Variants in P4HA1 observed in about 807,000 individuals in gnomAD.
The protein encoded by P4HA1 is prolyl 4-hydroxylase subunit alpha-1.
In P4HA1, 24 loss-of-function variants were observed where a neutral mutation model predicts 72.8. The observed-to-expected ratio is 0.33, with a 90% CI of 0.24 to 0.46. P4HA1 has a LOEUF of 0.46. Among genes scored for constraint, P4HA1 ranks in the 20% least tolerant of loss-of-function variants. The pLI, the probability that P4HA1 is intolerant of heterozygous loss-of-function variation, is 1.00. For missense variants in P4HA1, 446 were observed against 640.6 expected, an observed-to-expected ratio of 0.70 and a Z score of 3.28; for synonymous variants, 201 against 218.8, an observed-to-expected ratio of 0.92 and a Z score of 0.72.
intron 7 of P4HA1, among the ~76,000 whole-genome samples, chr10:73,047,722 AT>A (rs1441228701): frequency 6.6e-6 from 1 of 152,152 alleles, no homozygotes; most frequent in Admixed American, 6.6e-5. Context: ...TATTATATTA[AT>A]AAGTTATTTT....
chr10:73,040,818 T>C (rs982338626), intron 9 of P4HA1, among the ~76,000 whole-genome samples: 1 of 152,170 alleles, frequency 6.6e-6, no homozygotes, highest in East Asian at 1.9e-4. Context: ...ATCTAGAGGA[T>C]TTAGCTATTT....
intron 1 of P4HA1, among the ~76,000 whole-genome samples, chr10:73,080,583 T>C (rs1441292210): frequency 6.6e-6 from 1 of 152,242 alleles, no homozygotes; most frequent in Non-Finnish European, 1.5e-5. Context: ...TCAGAAACTT[T>C]AAGTGACATG....
chr10:73,095,627 A>C (rs1842148627), intron 1 of P4HA1, among the ~76,000 whole-genome samples: 1 of 151,728 alleles, frequency 6.6e-6, no homozygotes, highest in Non-Finnish European at 1.5e-5. Context: ...CTCCGAGTGC[A>C]TTCCAAGCGA....
intron 14 of P4HA1, among the ~76,000 whole-genome samples, chr10:73,008,744 A>G (rs1026396370): frequency 9.2e-5 from 14 of 152,166 alleles, no homozygotes; most frequent in African/African-American, 3.1e-4. Flanking sequence ...AACCATTGCT[A>G]TTGTATGCTC....
intron 10 of P4HA1, among the ~76,000 whole-genome samples, chr10:73,023,794 G>A (rs1418431311): frequency 7.4e-6 from 1 of 134,654 alleles, no homozygotes; most frequent in South Asian, 2.6e-4. Flanking sequence ...GAAGATCTAC[G>A]AAGCAAATGG....
intron 5 of P4HA1, among the ~76,000 whole-genome samples, chr10:73,068,227 G>A (rs545759112): frequency 3.3e-5 from 5 of 152,142 alleles, no homozygotes; most frequent in East Asian, 1.9e-4. Flanking sequence ...TTTTTCTTAC[G>A]GAGAAAATCA....
At position 73,037,561 on chromosome 10, in the gene P4HA1, ATATATATATATTT is replaced by A. The variant is rs1261977135; in HGVS notation, c.1149-7204_1149-7192del. Among the ~76,000 whole-genome samples the A allele has an allele frequency of 4.1e-3, 138 of 33,398 alleles. 6 individuals are homozygous for A. Among genetic ancestry groups the A allele is most frequent in the African/African-American group, 0.015 (119 of 7,908 alleles). The allele number at this position is 33,398 out of a possible 152,430, so 21.9% of individuals were successfully genotyped here. A position where few individuals can be genotyped will look rare whatever the true frequency, so the allele number is the denominator to read the frequency against. On this transcript the variant is annotated intron_variant, in intron 9 of 14. Transcript: ENST00000394890. ...TATATATATATATATATATATATAT[ATATATATATATTT>A]TTTTTTTTTTTTTTTTACAAAGGCA... is the stretch of plus-strand genomic sequence containing the variant.
Position 73,045,017 on chromosome 10 carries a change from C to G in P4HA1, c.1112G>C (p.Gly371Ala). Residue 371 changes from glycine (G) to alanine (A), a missense_variant, in exon 9 of 15, where the codon GGA becomes GCA. Coordinates refer to ENST00000394890, the MANE Select transcript of P4HA1 (RefSeq NM_001017962.3). ...TCTGTAATGTACCGTCTCCAAGTCT[C>G]CTGTTATTGGGTTTGAAATGGTGGC... is the stretch of plus-strand genomic sequence containing the variant. ...RRATISNPIT[G>A]DLETVHYRIS... 6.2e-7 allele frequency: 1 copy of G among 1,613,652 alleles called. No homozygotes were observed. The highest frequency in any genetic ancestry group is 8.5e-7 in the Non-Finnish European group (1 of 1,179,698).
intron 10 of P4HA1, among the ~76,000 whole-genome samples, chr10:73,018,494 C>T (rs1431680551): frequency 6.6e-6 from 1 of 152,110 alleles, no homozygotes; most frequent in African/African-American, 2.4e-5. Context: ...GCTCTCTGCC[C>T]CACAGGGCCC....
chr10:73,046,153 T>TA (rs1218089878), intron 8 of P4HA1, among the ~76,000 whole-genome samples: 3 of 152,156 alleles, frequency 2.0e-5, no homozygotes, highest in Non-Finnish European at 4.4e-5. Flanking sequence ...CTCCAAAGCC[T>TA]AAAAAATATC....
chr10:73,092,366 T>TTTTTA (rs796622096), intron 1 of P4HA1, among the ~76,000 whole-genome samples: 15 of 141,646 alleles, frequency 1.1e-4, no homozygotes, highest in South Asian at 6.6e-4. Context: ...TTTTTTTTTT[T>TTTTTA]AGAGACAGGG....
At chr10:73,092,335 T>C (rs1479323318) in intron 1 of P4HA1, among the ~76,000 whole-genome samples, 1 of 150,550 alleles carries the variant, frequency 6.6e-6, no homozygotes, top group East Asian at 1.9e-4. Flanking sequence ...TAAATAATTT[T>C]TTTTTCTTTT....
intron 13 of P4HA1, 41 bp from the exon 14 acceptor site, chr10:73,009,944 C>A (rs372538758): frequency 1.2e-5 from 13 of 1,082,144 alleles, no homozygotes; most frequent in Non-Finnish European, 1.7e-5. Flanking sequence ...GTATACAATG[C>A]CAGGTAATTG....
intron 9 of P4HA1, among the ~76,000 whole-genome samples, chr10:73,038,025 G>A (rs1280090226): frequency 6.6e-6 from 1 of 152,090 alleles, no homozygotes; most frequent in Non-Finnish European, 1.5e-5. Flanking sequence ...GGAGGCCAAG[G>A]TGAGATGATC....
intron 10 of P4HA1, among the ~76,000 whole-genome samples, chr10:73,024,184 T>A (rs1198310331): frequency 6.6e-6 from 1 of 152,180 alleles, no homozygotes; most frequent in Non-Finnish European, 1.5e-5. Context: ...ATCAACAGAA[T>A]ATACATTCTT....
chr10:73,040,474 GAATTT>G (rs1672299750), intron 9 of P4HA1, among the ~76,000 whole-genome samples: 1 of 143,326 alleles, frequency 7.0e-6, no homozygotes, highest in African/African-American at 2.8e-5. Flanking sequence ...TCGAATTCAT[GAATTT>G]TTTTTTTTTT....
At chr10:73,096,100 A>C (rs1173052523) in intron 1 of P4HA1, among the ~76,000 whole-genome samples, 1 of 152,228 alleles carries the variant, frequency 6.6e-6, no homozygotes. Flanking sequence ...AGCTTCCCTG[A>C]CGACGAGGTG....
intron 12 of P4HA1, among the ~76,000 whole-genome samples, chr10:73,012,559 A>G (rs1015624626): frequency 2.6e-5 from 4 of 152,156 alleles, no homozygotes; most frequent in Admixed American, 2.6e-4. Flanking sequence ...GAGAAATACA[A>G]ATTGGGAATT....
chr10:73,065,970 A>T (rs1265429345), intron 5 of P4HA1, among the ~76,000 whole-genome samples: 1 of 152,212 alleles, frequency 6.6e-6, no homozygotes, highest in Non-Finnish European at 1.5e-5. Context: ...ATAGAGTATG[A>T]TGTACTATTG....
Sources: allele counts gnomAD v4.1 joint callset (sites outside exome capture counted in the v4.1 genomes callset), GRCh38; gene constraint gnomAD v4.1.1; transcripts MANE v1.5; gene names NCBI Gene and HGNC (gene_info 2026-07-23, HGNC 2026-07-21).